RSPRY1: variants seen among roughly 807,000 people sequenced by gnomAD.
RSPRY1 encodes the protein RING finger and SPRY domain-containing protein 1.
A neutral mutation model predicts 73.1 loss-of-function variants in RSPRY1; 23 were observed. The observed-to-expected ratio is 0.31, with a 90% CI of 0.23 to 0.45. RSPRY1 has a LOEUF of 0.45. Ranked by LOEUF, RSPRY1 falls within the 20% of genes least tolerant of loss-of-function variation. The probability of loss-of-function intolerance (pLI) is 1.00; values close to 1 mark genes in which losing one functional copy is unlikely to be tolerated. For synonymous variants in RSPRY1, 226 were observed against 251.4 expected (o/e 0.90, Z 0.95); for missense variants, 448 against 698.7 (o/e 0.64, Z 4.05).
At chr16:57,220,012 T>C (rs572781763) in intron 8 of RSPRY1, 1 of 152,354 alleles carries the variant, frequency 6.6e-6, no homozygotes, top group East Asian at 1.9e-4. Context: ...CATTGGTCCA[T>C]GTGTCTGTTT....
chr16:57,217,848 C>A (rs773291940), intron 8 of RSPRY1, among the ~76,000 whole-genome samples: 25 of 152,156 alleles, frequency 1.6e-4, no homozygotes, highest in African/African-American at 6.0e-4. Flanking sequence ...CACTGTTACC[C>A]CAATATTGTG....
At chr16:57,227,709 A>G (rs980213700) in intron 11 of RSPRY1, among the ~76,000 whole-genome samples, 28 of 152,338 alleles carry the variant, frequency 1.8e-4, no homozygotes, top group African/African-American at 6.7e-4. Flanking sequence ...CAAGATTAGT[A>G]TGAATTCTAT....
chr16:57,208,302 CT>C (rs34138044), intron 3 of RSPRY1, among the ~76,000 whole-genome samples, 192 bp downstream of exon 3: 1,654 of 79,172 alleles, frequency 0.021, 10 homozygotes, highest in African/African-American at 0.048. Flanking sequence ...CATATTATAC[CT>C]TTTTTTTTTT....
chr16:57,191,481 A>G (rs916434000), intron 1 of RSPRY1, among the ~76,000 whole-genome samples: 1 of 152,162 alleles, frequency 6.6e-6, no homozygotes, highest in Admixed American at 6.5e-5. Flanking sequence ...TGGCACCAAT[A>G]CAAGCTTCTC....
At position 57,238,941 on chromosome 16, in the gene RSPRY1, T is replaced by C. The variant is rs1405973405; in HGVS notation, c.1697T>C (p.Val566Ala). The C allele has an allele frequency of 6.2e-7, 1 of 1,608,558 alleles. No individual in the cohort carries two copies. The highest frequency in any genetic ancestry group is 1.3e-5 in the African/African-American group (1 of 74,708). ...ETCPLCRKEI[V>A]SRIRQISHIS is the part of the protein sequence containing the mutation. ...TGCCCATTGTGTCGTAAAGAAATAG[T>C]ATCTAGAATCAGACAGATTTCTCAT... Residue 566 changes from valine (V) to alanine (A), a missense_variant, in exon 15 of 15, where the codon GTA becomes GCA. Val to Ala is a moderately conservative substitution (Grantham distance 64, BLOSUM62 0). Transcript: ENST00000394420.
At chr16:57,207,154 A>G (rs544386050) in intron 2 of RSPRY1, among the ~76,000 whole-genome samples, 2 of 152,222 alleles carry the variant, frequency 1.3e-5, no homozygotes, top group Non-Finnish European at 2.9e-5. Context: ...TGTTGGGTAT[A>G]TGCATACTTA....
chr16:57,210,389 A>G (rs1290672132), intron 4 of RSPRY1, among the ~76,000 whole-genome samples: 1 of 152,084 alleles, frequency 6.6e-6, no homozygotes, highest in Non-Finnish European at 1.5e-5. Context: ...CTAGGTTAAA[A>G]TTTTTTAAAT....
At chr16:57,209,867 G>A (rs1337857554) in intron 4 of RSPRY1, among the ~76,000 whole-genome samples, 1 of 151,252 alleles carries the variant, frequency 6.6e-6, no homozygotes, top group Non-Finnish European at 1.5e-5. Flanking sequence ...TAGAGATGGG[G>A]TTTCATCATG....
chr16:57,230,334 A>T (rs2075196128), intron 11 of RSPRY1, among the ~76,000 whole-genome samples: 1 of 152,148 alleles, frequency 6.6e-6, no homozygotes, highest in Admixed American at 6.5e-5. Context: ...TTTTAAAGAA[A>T]GGCATATTTT....
In RSPRY1 at chr16:57,239,977, A is replaced by G. The variant is rs2075354965; in HGVS notation, c.*1002A>G. On this transcript the variant is annotated 3_prime_UTR_variant, in exon 15 of 15. Coordinates refer to ENST00000394420, the MANE Select transcript of RSPRY1 (RefSeq NM_133368.3). ...ATAGTTCAATCATGAATTATTGACTATGTCTTCATCAAAAGTGTTAATCCC... is the reference window on the plus strand; with the variant it reads ...ATAGTTCAATCATGAATTATTGACTGTGTCTTCATCAAAAGTGTTAATCCC... 6.6e-6 allele frequency: 1 copy of G among 152,226 alleles called. No homozygotes were observed. Among genetic ancestry groups the G allele is most frequent in the Admixed American group, 6.5e-5 (1 of 15,288 alleles). The allele number at this position is 152,226 out of a possible 1,614,324, so 9.4% of individuals were successfully genotyped here.
chr16:57,194,188 A>T (rs145606409), intron 1 of RSPRY1, among the ~76,000 whole-genome samples: 1 of 152,246 alleles, frequency 6.6e-6, no homozygotes, highest in Non-Finnish European at 1.5e-5. Context: ...ACTGATGCCT[A>T]TAGTTTACTT....
chr16:57,238,629 T>C (rs543072858), intron 14 of RSPRY1, among the ~76,000 whole-genome samples: 63 of 152,354 alleles, frequency 4.1e-4, no homozygotes, highest in African/African-American at 1.5e-3. Flanking sequence ...TCTGTAAGTA[T>C]ATGCTGTGCA....
chr16:57,221,482 GTGGAAAATACTTATTT>G, intron 10 of RSPRY1, 67 bp downstream of exon 10: 1 of 1,481,084 alleles, frequency 6.8e-7, no homozygotes, highest in Non-Finnish European at 9.2e-7. Flanking sequence ...TAGTTGGTGG[GTGGAAAATACTTATTT>G]TTCAAATAGA....
At chr16:57,209,882 C>G (rs1320944345) in intron 4 of RSPRY1, among the ~76,000 whole-genome samples, 3 of 152,050 alleles carry the variant, frequency 2.0e-5, no homozygotes, top group African/African-American at 7.2e-5. Context: ...ATCATGTTGC[C>G]CAGGCTGGTC....
At chr16:57,221,729 T>A in intron 10 of RSPRY1, among the ~76,000 whole-genome samples, 1 of 152,220 alleles carries the variant, frequency 6.6e-6, no homozygotes, top group Non-Finnish European at 1.5e-5. Context: ...GCTCATTTCT[T>A]ATACAGGAAG....
chr16:57,212,960 T>G lies in RSPRY1; in HGVS notation c.517-12T>G. 6.2e-7 allele frequency: 1 copy of G among 1,613,146 alleles called. No homozygotes were observed. The highest frequency in any genetic ancestry group is 8.5e-7 in the Non-Finnish European group (1 of 1,179,486). ...TATATGGGTCAAACCCACTTGTACT[T>G]TTTTGTTTTAGGATGCACTCCAGAA... On this transcript the variant is annotated splice_polypyrimidine_tract_variant and intron_variant, in intron 4 of 14. Transcript: ENST00000394420.
Position 57,221,435 on chromosome 16 carries a change from G to A in RSPRY1, c.1161+20G>A, listed in dbSNP as rs764353106. 4 of 1,585,890 alleles carry A rather than the reference G, an allele frequency of 2.5e-6. No homozygotes were observed. The highest frequency in any genetic ancestry group is 3.4e-6 in the Non-Finnish European group (4 of 1,165,370). On this transcript the variant is annotated intron_variant, in intron 10 of 14. Transcript: ENST00000394420. Reference sequence around the variant, plus strand: ...AATCATGTGAGTACCCTAGAGAACTGTGAAAATGGGAGCAGTGGCAGTTTG... The same window carrying A: ...AATCATGTGAGTACCCTAGAGAACTATGAAAATGGGAGCAGTGGCAGTTTG...
chr16:57,187,576 C>T (rs763167860), intron 1 of RSPRY1, among the ~76,000 whole-genome samples: 3 of 152,196 alleles, frequency 2.0e-5, no homozygotes, highest in Admixed American at 6.5e-5. Flanking sequence ...GTACAAATTA[C>T]AAGCTGCGTG....
intron 8 of RSPRY1, chr16:57,219,647 A>G (rs2075003367): frequency 6.6e-6 from 1 of 152,120 alleles, no homozygotes; most frequent in Non-Finnish European, 1.5e-5. Flanking sequence ...CTTTGCTGTA[A>G]GAAACTTTTT....
Sources: gnomAD v4.1 joint callset for allele counts (sites outside exome capture counted in the v4.1 genomes callset) on GRCh38, gnomAD v4.1.1 for gene constraint, MANE v1.5 for transcripts, NCBI Gene and HGNC (gene_info 2026-07-23, HGNC 2026-07-21) for gene names.